CSRNP3: variants seen among roughly 807,000 people sequenced by gnomAD.
CSRNP3 encodes the protein cysteine/serine-rich nuclear protein 3.
A neutral mutation model predicts 48.0 loss-of-function variants in CSRNP3; 12 were observed. The ratio of observed to expected loss-of-function variants is 0.25; its 90% CI spans 0.16 to 0.41. The LOEUF (loss-of-function observed/expected upper bound fraction) is 0.41. CSRNP3 is among the 10% of genes least tolerant of loss of function. The pLI, the probability that CSRNP3 is intolerant of heterozygous loss-of-function variation, is 1.00. For synonymous variants in CSRNP3, 263 were observed against 269.7 expected (o/e 0.98, Z 0.24); for missense variants, 580 against 724.4 (o/e 0.80, Z 2.29).
At position 165,531,056 on chromosome 2, in the gene CSRNP3, G is replaced by A. The variant is rs975219959; in HGVS notation, c.-24+13095G>A. On this transcript the variant is annotated intron_variant, in intron 3 of 6. Coordinates refer to ENST00000651982, the MANE Select transcript of CSRNP3 (RefSeq NM_001172173.2). ...TTCTCTTCACAAAATACTATCCTAAGGGAAATTGACTAAAGATAATATTGG... is the reference window on the plus strand; with the variant it reads ...TTCTCTTCACAAAATACTATCCTAAAGGAAATTGACTAAAGATAATATTGG... Among the ~76,000 whole-genome samples the A allele has an allele frequency of 3.3e-5, 5 of 151,276 alleles. No homozygotes were observed. The South Asian group carries it at 1.0e-3, about 32-fold the overall frequency.
intron 4 of CSRNP3, among the ~76,000 whole-genome samples, chr2:165,610,222 A>G (rs770847549): frequency 9.9e-5 from 15 of 152,162 alleles, no homozygotes; most frequent in South Asian, 2.1e-4. Flanking sequence ...CTTTAATATC[A>G]TTATATTGTA....
chr2:165,558,491 A>G (rs1685189837), intron 3 of CSRNP3, among the ~76,000 whole-genome samples: 1 of 152,184 alleles, frequency 6.6e-6, no homozygotes. Flanking sequence ...CCATATCTGT[A>G]TCATTTAAAT....
intron 4 of CSRNP3, among the ~76,000 whole-genome samples, chr2:165,643,590 C>T (rs1373170720): frequency 2.6e-5 from 4 of 152,126 alleles, no homozygotes; most frequent in African/African-American, 9.7e-5. Context: ...CTTTTGCCAC[C>T]ATCTGTGAAC....
At chr2:165,664,806 AT>A (rs142981548) in intron 5 of CSRNP3, among the ~76,000 whole-genome samples, 7,280 of 152,000 alleles carry the variant, frequency 0.048, 246 homozygotes, top group Non-Finnish European at 0.072. Flanking sequence ...ACTGTGATCA[AT>A]TTTTTTTTGT....
Position 165,655,680 on chromosome 2 carries a change from G to A in CSRNP3, c.149-2081G>A, listed in dbSNP as rs149763406. On this transcript the variant is annotated intron_variant, in intron 4 of 6. Transcript: ENST00000651982. ...ATGACCAAGGTGTTGGCAGGGCCCGGCTCCCTCTGAAACCTTTGGGAAAGG... is the reference window on the plus strand; with the variant it reads ...ATGACCAAGGTGTTGGCAGGGCCCGACTCCCTCTGAAACCTTTGGGAAAGG... 3.5e-3 allele frequency among the ~76,000 whole-genome samples: 540 copies of A among 152,270 alleles called. 1 individual carries two copies. Among genetic ancestry groups the A allele is most frequent in the African/African-American group, 0.012 (515 of 41,570 alleles).
intron 5 of CSRNP3, among the ~76,000 whole-genome samples, chr2:165,661,088 A>T (rs1445306712): frequency 6.6e-6 from 1 of 152,174 alleles, no homozygotes; most frequent in Non-Finnish European, 1.5e-5. Context: ...TGATTTTTAA[A>T]ATATTATTGA....
chr2:165,597,773 A>G (rs753253229), intron 4 of CSRNP3, among the ~76,000 whole-genome samples: 1 of 152,178 alleles, frequency 6.6e-6, no homozygotes, highest in Non-Finnish European at 1.5e-5. Flanking sequence ...AAATCCACAT[A>G]GTAGGAAATA....
chr2:165,607,246 T>A (rs542694934), intron 4 of CSRNP3, among the ~76,000 whole-genome samples: 2 of 152,132 alleles, frequency 1.3e-5, no homozygotes, highest in Non-Finnish European at 2.9e-5. Flanking sequence ...TTCTTTTGTG[T>A]ATCTGTCTTA....
intron 1 of CSRNP3, among the ~76,000 whole-genome samples, chr2:165,476,937 T>C (rs1328285251): frequency 6.6e-6 from 1 of 152,172 alleles, no homozygotes; most frequent in Non-Finnish European, 1.5e-5. Flanking sequence ...AGCAAAATAA[T>C]CCTCAGTATT....
At chr2:165,591,116 A>G (rs1288859941) in intron 3 of CSRNP3, among the ~76,000 whole-genome samples, 1 of 152,054 alleles carries the variant, frequency 6.6e-6, no homozygotes, top group Non-Finnish European at 1.5e-5. Context: ...CTTTGACCAA[A>G]ATGCTGATAG....
chr2:165,486,100 A>C (rs891979585), intron 1 of CSRNP3, among the ~76,000 whole-genome samples: 2 of 152,168 alleles, frequency 1.3e-5, no homozygotes, highest in African/African-American at 4.8e-5. Flanking sequence ...ACCGTGCGCG[A>C]GCCGAAGCAG....
intron 4 of CSRNP3, among the ~76,000 whole-genome samples, chr2:165,638,636 C>A (rs1221944485): frequency 6.6e-6 from 1 of 152,046 alleles, no homozygotes. Flanking sequence ...GTACTCTTGC[C>A]ACAACTGAAA....
chr2:165,515,801 C>CTTTTT (rs532831528), intron 2 of CSRNP3, among the ~76,000 whole-genome samples: 122 of 106,008 alleles, frequency 1.2e-3, no homozygotes, highest in Non-Finnish European at 1.7e-3. Flanking sequence ...CTTTTCCTTT[C>CTTTTT]TTTTTTTTTT....
In CSRNP3 at chr2:165,584,856, C is replaced by T. The variant is rs144385186; in HGVS notation, c.-23-10187C>T. On this transcript the variant is annotated intron_variant, in intron 3 of 6. Coordinates refer to ENST00000651982, the MANE Select transcript of CSRNP3 (RefSeq NM_001172173.2). ...AAAAGAAGAATTGTCTTGTGCCACA[C>T]GTAAAATATACTAACACTAAGGATA... is the stretch of plus-strand genomic sequence containing the variant. Among the ~76,000 whole-genome samples, 1,106 of 152,158 alleles carry T rather than the reference C, an allele frequency of 7.3e-3. 12 individuals carry two copies. The highest frequency in any genetic ancestry group is 9.2e-3 in the Non-Finnish European group (623 of 67,990).
chr2:165,614,538 A>G (rs769762025), intron 4 of CSRNP3, among the ~76,000 whole-genome samples: 3 of 152,132 alleles, frequency 2.0e-5, no homozygotes, highest in Non-Finnish European at 4.4e-5. Flanking sequence ...GCTTTTCCCT[A>G]TTCAGTATGA....
At chr2:165,484,246 C>T (rs1320768771) in intron 1 of CSRNP3, among the ~76,000 whole-genome samples, 1 of 152,090 alleles carries the variant, frequency 6.6e-6, no homozygotes, top group Non-Finnish European at 1.5e-5. Context: ...GCATGCACCA[C>T]CACATTCGGC....
At chr2:165,515,603 T>G (rs922854926) in intron 2 of CSRNP3, among the ~76,000 whole-genome samples, 89 of 151,704 alleles carry the variant, frequency 5.9e-4, no homozygotes, top group Middle Eastern at 3.4e-3. Flanking sequence ...TCATTTTCTT[T>G]TTATGGCAGC....
At chr2:165,476,292 C>G (rs1683962121) in intron 1 of CSRNP3, among the ~76,000 whole-genome samples, 2 of 152,144 alleles carry the variant, frequency 1.3e-5, no homozygotes, top group Admixed American at 6.6e-5. Context: ...ACAAAGAAAA[C>G]AAGTGTGCAT....
chr2:165,677,924 A>G (rs915510410), intron 6 of CSRNP3, among the ~76,000 whole-genome samples: 1 of 152,200 alleles, frequency 6.6e-6, no homozygotes, highest in Non-Finnish European at 1.5e-5. Flanking sequence ...TAGTTTTGGA[A>G]TATTGATGAA....
Sources: gnomAD v4.1 joint callset for allele counts (sites outside exome capture counted in the v4.1 genomes callset) on GRCh38, gnomAD v4.1.1 for gene constraint, MANE v1.5 for transcripts, NCBI Gene and HGNC (gene_info 2026-07-23, HGNC 2026-07-21) for gene names.